CFAP47: variants seen among roughly 807,000 people sequenced by gnomAD.
The protein encoded by CFAP47 is cilia- and flagella-associated protein 47.
In CFAP47, 29 loss-of-function variants were observed where a neutral mutation model predicts 148.1. That is an observed-to-expected ratio of 0.20 (90% CI 0.15 to 0.27). The LOEUF is 0.27. Among genes scored for constraint, CFAP47 ranks in the 10% least tolerant of loss-of-function variants. CFAP47 has a pLI of 1.00. For missense variants in CFAP47, 1,872 were observed against 1,697.5 expected, an observed-to-expected ratio of 1.10 and a Z score of -1.81; for synonymous variants, 664 against 577.3, an observed-to-expected ratio of 1.15 and a Z score of -2.15.
intron 45 of CFAP47, among the ~76,000 whole-genome samples, chrX:36,206,055 G>A (rs2050246431): frequency 8.9e-6 from 1 of 111,846 alleles, no homozygotes; most frequent in African/African-American, 3.2e-5. Context: ...AAATAACAAG[G>A]AATTAAGAGT....
chrX:36,162,257 C>T (rs1191994223), intron 39 of CFAP47, among the ~76,000 whole-genome samples: 2 of 111,548 alleles, frequency 1.8e-5, no homozygotes, highest in African/African-American at 6.5e-5. Flanking sequence ...TTAACTATAT[C>T]CTTCCTTTGA....
chrX:36,114,863 C>A (rs933844594), intron 33 of CFAP47, among the ~76,000 whole-genome samples: 5 of 111,817 alleles, frequency 4.5e-5, no homozygotes, highest in Non-Finnish European at 9.4e-5. Context: ...CGATGGGGTG[C>A]ATGCATATCA....
chrX:35,954,117 G>C (rs1403686748), intron 7 of CFAP47, among the ~76,000 whole-genome samples: 2 of 111,480 alleles, frequency 1.8e-5, no homozygotes, highest in East Asian at 5.6e-4. Flanking sequence ...AATAGGAACA[G>C]TAAAAAACAA....
chrX:36,358,966 T>C (rs1941806287), intron 60 of CFAP47, among the ~76,000 whole-genome samples: 1 of 111,702 alleles, frequency 9.0e-6, no homozygotes, highest in Admixed American at 9.6e-5. Context: ...ATGGTAGTAG[T>C]TATCACAGTA....
rs1294020452 is a variant in CFAP47 at position 36,068,826 on chromosome X, C to A, written c.4319-2999C>A. Among the ~76,000 whole-genome samples the A allele has an allele frequency of 3.7e-5, 4 of 108,599 alleles. No individual in the cohort carries two copies. In the East Asian group the frequency reaches 1.2e-3, roughly 32 times the overall value. 94.3% of individuals were successfully genotyped at this position (108,599 alleles called of 115,157 possible). On this transcript the variant is annotated intron_variant, in intron 27 of 63. Transcript: ENST00000378653. Reference sequence around the variant, plus strand: ...CAAAAATTAGCTGGGTATGGGGGCACGTGCCTGTAATCCGAGCTACTCGGG... The same window carrying A: ...CAAAAATTAGCTGGGTATGGGGGCAAGTGCCTGTAATCCGAGCTACTCGGG...
chrX:36,095,932 A>G, intron 30 of CFAP47, among the ~76,000 whole-genome samples: 1 of 111,085 alleles, frequency 9.0e-6, no homozygotes, highest in Non-Finnish European at 1.9e-5. Flanking sequence ...TCTTTCCTTA[A>G]GATGGAATGT....
chrX:36,203,629 T>A (rs782588455), intron 44 of CFAP47, among the ~76,000 whole-genome samples: 16 of 112,379 alleles, frequency 1.4e-4, no homozygotes, highest in Non-Finnish European at 2.8e-4. Context: ...CTCACGTGTT[T>A]TGGTCTATCC....
At chrX:36,293,186 C>A (rs782275532) in intron 51 of CFAP47, among the ~76,000 whole-genome samples, 15 of 111,280 alleles carry the variant, frequency 1.3e-4, no homozygotes, top group African/African-American at 4.6e-4. Context: ...AGGATGTTTC[C>A]TGGGAAGTTC....
intron 15 of CFAP47, among the ~76,000 whole-genome samples, chrX:35,987,745 C>T (rs1936737015): frequency 8.9e-6 from 1 of 111,763 alleles, no homozygotes. Context: ...GCATAGGCAC[C>T]TGAGGGAATC....
chrX:36,020,085 G>A (rs1236755468), intron 22 of CFAP47, among the ~76,000 whole-genome samples: 2 of 111,387 alleles, frequency 1.8e-5, no homozygotes, highest in African/African-American at 6.5e-5. Context: ...TAGTATTGCT[G>A]TTGCTGTATC....
rs180837467 is a variant in CFAP47, at chrX:35,924,306, T to C, written c.250-1711T>C. ...ATGTACATGTATGTGTACACATATG[T>C]ATATATGTACATGTATGTGTATATG... On this transcript the variant is annotated intron_variant, in intron 1 of 63. Coordinates refer to ENST00000378653, the MANE Select transcript of CFAP47 (RefSeq NM_001304548.2). Among the ~76,000 whole-genome samples, 349 of 105,960 alleles carry C rather than the reference T, an allele frequency of 3.3e-3. 29 individuals are homozygous for C. Among genetic ancestry groups the C allele is most frequent in the African/African-American group, 0.012 (334 of 27,288 alleles). The allele number at this position is 105,960 out of a possible 115,157, so 92.0% of individuals were successfully genotyped here. A position where few individuals can be genotyped will look rare whatever the true frequency, so the allele number is the denominator to read the frequency against.
chrX:36,173,422 C>G (rs1939616680), intron 39 of CFAP47, among the ~76,000 whole-genome samples: 1 of 111,695 alleles, frequency 9.0e-6, no homozygotes, highest in African/African-American at 3.3e-5. Context: ...TTCCTGCTTT[C>G]TCTTGTGGGC....
At chrX:36,198,112 A>G (rs28636878) in intron 42 of CFAP47, among the ~76,000 whole-genome samples, 21,064 of 110,692 alleles carry the variant, frequency 0.19, 1,794 homozygotes, top group African/African-American at 0.32. Context: ...TGAGCCTAAT[A>G]TGAATGACCA....
At chrX:36,194,626 A>G (rs1256846561) in intron 42 of CFAP47, among the ~76,000 whole-genome samples, 2 of 111,724 alleles carry the variant, frequency 1.8e-5, no homozygotes, top group Non-Finnish European at 3.8e-5. Flanking sequence ...ATTGTGGCAG[A>G]AGGAGAAGGA....
chrX:36,327,307 A>C (rs188569334), intron 57 of CFAP47, among the ~76,000 whole-genome samples: 1 of 112,258 alleles, frequency 8.9e-6, no homozygotes, highest in East Asian at 2.8e-4. Context: ...TGGACAAAGG[A>C]CACGAAAAAA....
chrX:36,315,883 C>T (rs1264449439), intron 56 of CFAP47, among the ~76,000 whole-genome samples: 1 of 111,355 alleles, frequency 9.0e-6, no homozygotes, highest in Non-Finnish European at 1.9e-5. Context: ...TTGCTCTTCC[C>T]TACTGGCATT....
intron 8 of CFAP47, among the ~76,000 whole-genome samples, chrX:35,959,891 A>C (rs947691711): frequency 2.7e-5 from 3 of 109,139 alleles, no homozygotes; most frequent in Non-Finnish European, 3.8e-5. Context: ...AAAAAAAAAA[A>C]AAAAAAAAAA....
chrX:36,027,275 G>T (rs1263465012), intron 22 of CFAP47, among the ~76,000 whole-genome samples: 1 of 108,124 alleles, frequency 9.2e-6, no homozygotes, highest in African/African-American at 3.4e-5. Context: ...GGCTTTAAGG[G>T]TACCCATCAT....
At chrX:36,067,068 G>A (rs1227547620) in intron 27 of CFAP47, among the ~76,000 whole-genome samples, 1 of 111,086 alleles carries the variant, frequency 9.0e-6, no homozygotes, top group African/African-American at 3.3e-5. Flanking sequence ...ACTTCTTTTG[G>A]TCTCCTTTAA....
Sources: gnomAD v4.1 joint callset for allele counts (sites outside exome capture counted in the v4.1 genomes callset) on GRCh38, gnomAD v4.1.1 for gene constraint, MANE v1.5 for transcripts, NCBI Gene and HGNC (gene_info 2026-07-23, HGNC 2026-07-21) for gene names.